Variants in MARCHF1 observed in about 807,000 individuals in gnomAD.
MARCHF1 encodes E3 ubiquitin-protein ligase MARCHF1.
A neutral mutation model predicts 54.2 loss-of-function variants in MARCHF1; 40 were observed. The observed-to-expected ratio is 0.74, with a 90% CI of 0.57 to 0.96. The LOEUF is 0.96. MARCHF1 is among the 40% of genes least tolerant of loss of function. The probability of loss-of-function intolerance (pLI) is 0.00; values close to 1 mark genes in which losing one functional copy is unlikely to be tolerated. For missense variants in MARCHF1, 586 were observed against 656.5 expected, an observed-to-expected ratio of 0.89 and a Z score of 1.17; for synonymous variants, 236 against 236.3, an observed-to-expected ratio of 1.00 and a Z score of 0.01.
At chr4:164,181,735 G>T (rs779171407) in intron 1 of MARCHF1, among the ~76,000 whole-genome samples, 1 of 152,090 alleles carries the variant, frequency 6.6e-6, no homozygotes, top group Non-Finnish European at 1.5e-5. Context: ...CTAGCTCAAA[G>T]ATTTTCTATA....
intron 3 of MARCHF1, among the ~76,000 whole-genome samples, chr4:163,947,919 A>G (rs2110772030): frequency 6.6e-6 from 1 of 152,360 alleles, no homozygotes; most frequent in East Asian, 1.9e-4. Flanking sequence ...AAAAATAACT[A>G]TATGATGTAA....
intron 1 of MARCHF1, among the ~76,000 whole-genome samples, chr4:164,135,159 GAC>G (rs1473534517): frequency 6.6e-6 from 1 of 152,138 alleles, no homozygotes; most frequent in Non-Finnish European, 1.5e-5. Flanking sequence ...AAATACTGGA[GAC>G]ACACTACGGT....
chr4:164,274,862 G>C (rs1317794316), intron 1 of MARCHF1, among the ~76,000 whole-genome samples: 2 of 150,208 alleles, frequency 1.3e-5, no homozygotes, highest in South Asian at 2.1e-4. Context: ...ATTTTTAGTA[G>C]AGACGGGGTT....
At chr4:163,816,617 A>G (rs1748540843) in intron 4 of MARCHF1, among the ~76,000 whole-genome samples, 1 of 152,130 alleles carries the variant, frequency 6.6e-6, no homozygotes, top group Admixed American at 6.6e-5. Flanking sequence ...GTATTCTAAG[A>G]GGCATATATT....
intron 2 of MARCHF1, among the ~76,000 whole-genome samples, chr4:164,017,454 T>C (rs1753568113): frequency 6.6e-6 from 1 of 152,010 alleles, no homozygotes; most frequent in African/African-American, 2.4e-5. Flanking sequence ...TTACAATTAA[T>C]TGAATTAAGA....
chr4:163,771,746 G>C (rs1444796964), intron 4 of MARCHF1, among the ~76,000 whole-genome samples: 1 of 148,832 alleles, frequency 6.7e-6, no homozygotes, highest in Non-Finnish European at 1.5e-5. Flanking sequence ...CACTGCTCCA[G>C]CAATTCTGAT....
intron 1 of MARCHF1, among the ~76,000 whole-genome samples, chr4:164,259,838 C>A (rs1733413207): frequency 6.6e-6 from 1 of 152,128 alleles, no homozygotes; most frequent in Admixed American, 6.5e-5. Flanking sequence ...ATAAGCTAAA[C>A]CATTTGCAGT....
Position 163,854,107 on chromosome 4 carries a change from C to T in MARCHF1, c.25G>A (p.Ala9Thr). ...TTTGGAATTCTGTGAGGGTTACGGG[C>T]TATCGCTTCACACCAGCCCAGCATT... is the stretch of plus-strand genomic sequence containing the variant. The part of the protein sequence containing the change: MLGWCEAI[A>T]RNPHRIPNNT... Residue 9 changes from alanine to threonine, a missense_variant, in exon 4 of 10, where the codon GCC becomes ACC. Ala to Thr is a moderately conservative substitution (Grantham distance 58). Coordinates refer to ENST00000514618, the MANE Select transcript of MARCHF1 (RefSeq NM_001394959.1). 6.5e-7 allele frequency: 1 copy of T among 1,536,622 alleles called. No individual in the cohort carries two copies. Among genetic ancestry groups the T allele is most frequent in the Non-Finnish European group, 8.7e-7 (1 of 1,146,474 alleles).
At chr4:164,009,983 GA>G (rs1753382431) in intron 2 of MARCHF1, among the ~76,000 whole-genome samples, 1 of 142,210 alleles carries the variant, frequency 7.0e-6, no homozygotes, top group Admixed American at 7.1e-5. Context: ...ATCTGAATTA[GA>G]AAAAAAGAAG....
At chr4:163,677,479 C>A (rs946328186) in intron 5 of MARCHF1, among the ~76,000 whole-genome samples, 1 of 152,204 alleles carries the variant, frequency 6.6e-6, no homozygotes, top group South Asian at 2.1e-4. Context: ...TCCCCTGCTA[C>A]AACAGCTTTC....
chr4:164,150,885 T>A (rs1729916427), intron 1 of MARCHF1, among the ~76,000 whole-genome samples: 1 of 152,156 alleles, frequency 6.6e-6, no homozygotes, highest in South Asian at 2.1e-4. Flanking sequence ...AATCAGCTGG[T>A]ATCCTGGACC....
chr4:164,311,281 T>G (rs76826441), intron 1 of MARCHF1, among the ~76,000 whole-genome samples: 1 of 151,992 alleles, frequency 6.6e-6, no homozygotes, highest in Non-Finnish European at 1.5e-5. Context: ...AGGGTAATAC[T>G]GGGAAAAAAA....
intron 3 of MARCHF1, among the ~76,000 whole-genome samples, chr4:163,949,614 T>C (rs949781023): frequency 2.0e-5 from 3 of 152,304 alleles, no homozygotes; most frequent in East Asian, 1.9e-4. Flanking sequence ...AGCGGGGCTT[T>C]ACTGAGCAAC....
chr4:164,324,244 G>A (rs1450134467), intron 1 of MARCHF1, among the ~76,000 whole-genome samples: 3 of 151,748 alleles, frequency 2.0e-5, no homozygotes, highest in Non-Finnish European at 4.4e-5. Context: ...CATTCCTAAA[G>A]GAAATTCTGA....
chr4:163,745,115 C>CTTTT (rs537922396), intron 4 of MARCHF1, among the ~76,000 whole-genome samples: 5 of 139,374 alleles, frequency 3.6e-5, no homozygotes, highest in Admixed American at 7.2e-5. Flanking sequence ...TTCTTTCTTT[C>CTTTT]TTTTTTTTTT....
chr4:164,279,738 AATGT>A (rs1288088973), intron 1 of MARCHF1, among the ~76,000 whole-genome samples: 2 of 120,684 alleles, frequency 1.7e-5, no homozygotes, highest in African/African-American at 5.5e-5. Context: ...GTAACTGTGA[AATGT>A]ATGTGTAAAA....
intron 5 of MARCHF1, among the ~76,000 whole-genome samples, chr4:163,691,190 C>T (rs1744438499): frequency 6.6e-6 from 1 of 152,188 alleles, no homozygotes; most frequent in African/African-American, 2.4e-5. Context: ...AGGCCGGCAG[C>T]ATCTGGCTGG....
chr4:163,913,488 C>A (rs6536760), intron 3 of MARCHF1, among the ~76,000 whole-genome samples: 140,108 of 152,034 alleles, frequency 0.92, 65,376 homozygotes, highest in South Asian at 0.99. Flanking sequence ...TTATCAAAGA[C>A]AGTTGCTATT....
At chr4:163,538,462 T>A (rs546786295) in intron 9 of MARCHF1, among the ~76,000 whole-genome samples, 1 of 152,156 alleles carries the variant, frequency 6.6e-6, no homozygotes, top group African/African-American at 2.4e-5. Context: ...ACCTGAGAAT[T>A]AAGCATTAGT....
Sources: gnomAD v4.1 joint callset for allele counts (sites outside exome capture counted in the v4.1 genomes callset) on GRCh38, gnomAD v4.1.1 for gene constraint, MANE v1.5 for transcripts, NCBI Gene and HGNC (gene_info 2026-07-23, HGNC 2026-07-21) for gene names.